The following B4GALT6 variants were observed in gnomAD, a reference collection of about 807,000 sequenced individuals.
B4GALT6 encodes UDP-Gal:beta-GlcNAc beta-1,4-galactosyltransferase 6.
B4GALT6 carries 14 observed loss-of-function variants against 46.3 expected under a neutral mutation model. The ratio of observed to expected loss-of-function variants is 0.30; its 90% CI spans 0.20 to 0.47. B4GALT6 has a LOEUF of 0.47. B4GALT6 is among the 20% of genes least tolerant of loss of function. B4GALT6 has a pLI of 0.99. For synonymous variants in B4GALT6, 168 were observed against 162.0 expected (o/e 1.04, Z -0.28); for missense variants, 386 against 480.1 (o/e 0.80, Z 1.83).
intron 1 of B4GALT6, among the ~76,000 whole-genome samples, chr18:31,672,573 C>T (rs987600283): frequency 1.3e-5 from 2 of 152,144 alleles, no homozygotes; most frequent in African/African-American, 2.4e-5. Context: ...AGGTAAACCA[C>T]GTGAAATGCT....
intron 4 of B4GALT6, among the ~76,000 whole-genome samples, chr18:31,639,421 T>C (rs1355374177): frequency 3.9e-5 from 6 of 152,134 alleles, no homozygotes; most frequent in Non-Finnish European, 7.4e-5. Flanking sequence ...AGAAATATAA[T>C]AGAAACCAAA....
chr18:31,706,386 T>A, the B4GALT6 span, among the ~76,000 whole-genome samples: 644 of 152,276 alleles, frequency 4.2e-3, 3 homozygotes, highest in African/African-American at 0.015. Flanking sequence ...ATCCCAGCAC[T>A]TTGGGAGGCC....
the B4GALT6 span, among the ~76,000 whole-genome samples, chr18:31,699,794 A>C: frequency 9.2e-5 from 14 of 152,210 alleles, no homozygotes; most frequent in African/African-American, 3.4e-4. Flanking sequence ...CATAAAGTGT[A>C]ATAACTCAGC....
intron 1 of B4GALT6, among the ~76,000 whole-genome samples, chr18:31,667,862 C>G (rs761811308): frequency 6.6e-6 from 1 of 151,980 alleles, no homozygotes; most frequent in African/African-American, 2.4e-5. Flanking sequence ...CCTGGGAGGC[C>G]GAGGCGGTTG....
upstream of B4GALT6, chr18:31,684,612 GA>G: frequency 7.8e-7 from 1 of 1,278,254 alleles, no homozygotes; most frequent in Admixed American, 3.1e-5. Context: ...GAATGAATGG[GA>G]GGCCAGAGAG....
chr18:31,703,909 G>T, the B4GALT6 span, among the ~76,000 whole-genome samples: 1 of 152,212 alleles, frequency 6.6e-6, no homozygotes, highest in South Asian at 2.1e-4. Flanking sequence ...AATATTATTC[G>T]GAAAGTTAAT....
chr18:31,644,190 T>A (rs905056273), intron 4 of B4GALT6, among the ~76,000 whole-genome samples: 1 of 152,202 alleles, frequency 6.6e-6, no homozygotes, highest in Admixed American at 6.5e-5. Context: ...CACAACTTGT[T>A]CAAGGCAATA....
chr18:31,630,360 C>T (rs2073770827), intron 6 of B4GALT6, among the ~76,000 whole-genome samples: 1 of 151,978 alleles, frequency 6.6e-6, no homozygotes, highest in South Asian at 2.1e-4. Context: ...GTTACTATCT[C>T]AGCTCTGATA....
intron 1 of B4GALT6, among the ~76,000 whole-genome samples, chr18:31,683,793 C>G (rs1043349036): frequency 4.6e-5 from 7 of 152,042 alleles, no homozygotes; most frequent in South Asian, 2.1e-4. Context: ...TAAAATTCCC[C>G]AAGTATGGCA....
chr18:31,667,764 A>G (rs974143834), intron 1 of B4GALT6, among the ~76,000 whole-genome samples: 11 of 152,198 alleles, frequency 7.2e-5, no homozygotes, highest in Admixed American at 3.3e-4. Context: ...ACCTGAATTT[A>G]CTATACTAGT....
intron 3 of B4GALT6, among the ~76,000 whole-genome samples, chr18:31,651,697 C>T (rs892545782): frequency 3.9e-5 from 6 of 152,152 alleles, no homozygotes; most frequent in Non-Finnish European, 5.9e-5. Context: ...GGCATTGTCT[C>T]CATTCACTTT....
At chr18:31,724,469 G>A in the B4GALT6 span, 16 of 1,014,468 alleles carry the variant, frequency 1.6e-5, no homozygotes, top group African/African-American at 2.8e-4. Flanking sequence ...CCACCCCCGG[G>A]CAGACCCGGG....
the B4GALT6 span, among the ~76,000 whole-genome samples, chr18:31,718,418 C>T: frequency 6.6e-6 from 1 of 152,202 alleles, no homozygotes; most frequent in Admixed American, 6.5e-5. Context: ...GTTTATAAGA[C>T]AGTGTTGACT....
At chr18:31,722,997 C>A in the B4GALT6 span, among the ~76,000 whole-genome samples, 3 of 152,162 alleles carry the variant, frequency 2.0e-5, no homozygotes. Flanking sequence ...TAAATCTTGG[C>A]ATACTCAAAA....
intron 6 of B4GALT6, among the ~76,000 whole-genome samples, chr18:31,629,684 C>T (rs1331176850): frequency 6.7e-6 from 1 of 149,410 alleles, no homozygotes; most frequent in Non-Finnish European, 1.5e-5. Context: ...CCCGTCTCTA[C>T]TAAAAATACA....
chr18:31,671,354 C>T (rs977409358), intron 1 of B4GALT6, among the ~76,000 whole-genome samples: 6 of 152,132 alleles, frequency 3.9e-5, no homozygotes, highest in African/African-American at 1.4e-4. Flanking sequence ...CTAATTTACC[C>T]TCCCACCAAC....
chr18:31,689,467 G>A (rs889959471), upstream of B4GALT6, among the ~76,000 whole-genome samples: 6 of 152,252 alleles, frequency 3.9e-5, no homozygotes, highest in East Asian at 3.9e-4. Context: ...AGGCTGGGCC[G>A]GGCGCAATGG....
rs1211850484 is a variant in B4GALT6 at position 31,624,944 on chromosome 18, T to C, written c.*670A>G. 3 of 152,646 alleles carry C rather than the reference T, an allele frequency of 2.0e-5. No homozygotes were observed. In the East Asian group the frequency reaches 5.8e-4, roughly 29 times the overall value. 9.5% of individuals were successfully genotyped at this position (152,646 alleles called of 1,614,324 possible). A position where few individuals can be genotyped will look rare whatever the true frequency, so the allele number is the denominator to read the frequency against. ...ATGAGATTGCAAGCAAGGAAAAACA[T>C]AGGTAATCCCGGTAGGAAGAAAAGC... On this transcript the variant is annotated 3_prime_UTR_variant, in exon 9 of 9. Transcript: ENST00000306851.
chr18:31,639,916 T>C (rs1441273176), intron 4 of B4GALT6, among the ~76,000 whole-genome samples: 1 of 152,184 alleles, frequency 6.6e-6, no homozygotes, highest in Non-Finnish European at 1.5e-5. Context: ...TCATACAATC[T>C]AGATCTCCTT....
Sources: gnomAD v4.1 joint callset for allele counts (sites outside exome capture counted in the v4.1 genomes callset) on GRCh38, gnomAD v4.1.1 for gene constraint, MANE v1.5 for transcripts, NCBI Gene and HGNC (gene_info 2026-07-23, HGNC 2026-07-21) for gene names.